Variants in RAB11FIP3 observed in about 807,000 individuals in gnomAD.
RAB11FIP3 encodes the protein RAB11 family interacting protein 3.
In RAB11FIP3, 17 loss-of-function variants were observed where a neutral mutation model predicts 77.8. The ratio of observed to expected loss-of-function variants is 0.22; its 90% CI spans 0.15 to 0.33. RAB11FIP3 has a LOEUF of 0.33. Ranked by LOEUF, RAB11FIP3 falls within the 10% of genes least tolerant of loss-of-function variation. The probability of loss-of-function intolerance (pLI) is 1.00; values close to 1 mark genes in which losing one functional copy is unlikely to be tolerated. For missense variants in RAB11FIP3, 1,005 were observed against 1,011.2 expected, an observed-to-expected ratio of 0.99 and a Z score of 0.08; for synonymous variants, 437 against 448.2, an observed-to-expected ratio of 0.98 and a Z score of 0.31.
chr16:428,947 G>A (rs74815664), intron 1 of RAB11FIP3, among the ~76,000 whole-genome samples: 1 of 152,182 alleles, frequency 6.6e-6, no homozygotes, highest in East Asian at 1.9e-4. Context: ...GATGACTTGG[G>A]ATTTGGTGAG....
At chr16:516,928 A>G (rs1050364081) in intron 9 of RAB11FIP3, among the ~76,000 whole-genome samples, 7 of 152,330 alleles carry the variant, frequency 4.6e-5, no homozygotes, top group African/African-American at 1.7e-4. Flanking sequence ...ATGTCCGCAG[A>G]CACTCCCTCC....
Position 445,832 on chromosome 16 carries a change from A to G in RAB11FIP3, c.715-15572A>G, listed in dbSNP as rs1049952320. Among the ~76,000 whole-genome samples the G allele has an allele frequency of 5.9e-5, 9 of 152,148 alleles. 1 individual carries two copies. In the South Asian group the frequency reaches 1.9e-3, roughly 32 times the overall value. On this transcript the variant is annotated intron_variant, in intron 1 of 13. Transcript: ENST00000262305. ...GGTGCAGGGACCCAGCAAGAATGGG[A>G]CAGACCTGGCTGCTCCCTGGGGGAG...
intron 9 of RAB11FIP3, among the ~76,000 whole-genome samples, chr16:511,318 G>A (rs2032150113): frequency 8.2e-6 from 1 of 121,218 alleles, no homozygotes; most frequent in Non-Finnish European, 1.7e-5. Context: ...GCCCACCCCA[G>A]AAACTGCAGG....
At chr16:453,555 A>G (rs1360816690) in intron 1 of RAB11FIP3, 1 of 151,100 alleles carries the variant, frequency 6.6e-6, no homozygotes, top group Non-Finnish European at 1.5e-5. Flanking sequence ...CATCATGGGT[A>G]ATCAGAACAG....
At chr16:440,098 C>T (rs542369605) in intron 1 of RAB11FIP3, among the ~76,000 whole-genome samples, 1 of 152,130 alleles carries the variant, frequency 6.6e-6, no homozygotes, top group Non-Finnish European at 1.5e-5. Flanking sequence ...CCCCATCGGC[C>T]TCCCAAAGTG....
intron 1 of RAB11FIP3, among the ~76,000 whole-genome samples, chr16:428,083 A>G (rs760242288): frequency 4.1e-5 from 6 of 147,482 alleles, no homozygotes; most frequent in Non-Finnish European, 8.9e-5. Context: ...CCTGGGCGAC[A>G]GAGCGAGACT....
At chr16:511,350 C>A (rs1355855233) in intron 9 of RAB11FIP3, among the ~76,000 whole-genome samples, 1 of 115,650 alleles carries the variant, frequency 8.6e-6, no homozygotes, top group Non-Finnish European at 1.8e-5. Context: ...AGGTTCCTGA[C>A]GGCCCGCCCA....
chr16:440,807 C>T (rs1007233154), intron 1 of RAB11FIP3, among the ~76,000 whole-genome samples: 1 of 152,238 alleles, frequency 6.6e-6, no homozygotes, highest in Non-Finnish European at 1.5e-5. Context: ...GGTTCAGCTG[C>T]AGCTGTGCCT....
intron 3 of RAB11FIP3, among the ~76,000 whole-genome samples, chr16:473,772 G>T (rs2055851430): frequency 6.6e-6 from 1 of 152,152 alleles, no homozygotes; most frequent in African/African-American, 2.4e-5. Context: ...GTCCGTAGTT[G>T]AGGGTTCACT....
chr16:441,588 A>G (rs1457535798), intron 1 of RAB11FIP3, among the ~76,000 whole-genome samples: 5 of 152,122 alleles, frequency 3.3e-5, no homozygotes, highest in African/African-American at 1.2e-4. Context: ...CTCTAAATTG[A>G]TCTCACGCAC....
chr16:444,207 C>T (rs541112295), intron 1 of RAB11FIP3, among the ~76,000 whole-genome samples: 32 of 152,148 alleles, frequency 2.1e-4, no homozygotes, highest in East Asian at 1.5e-3. Flanking sequence ...TCCTTTCTTA[C>T]GAGTTTCAGA....
intron 9 of RAB11FIP3, among the ~76,000 whole-genome samples, chr16:518,474 C>T (rs916424241): frequency 3.3e-5 from 5 of 152,158 alleles, no homozygotes; most frequent in African/African-American, 7.2e-5. Flanking sequence ...CGCCTGTAAT[C>T]ACAGCACTTT....
At chr16:467,071 C>T (rs1168730526) in intron 2 of RAB11FIP3, among the ~76,000 whole-genome samples, 10 of 152,148 alleles carry the variant, frequency 6.6e-5, no homozygotes, top group Admixed American at 3.9e-4. Context: ...TAGCACGAAA[C>T]GGCAGTGCAG....
intron 1 of RAB11FIP3, among the ~76,000 whole-genome samples, chr16:431,179 G>A (rs1241308951): frequency 6.6e-6 from 1 of 152,100 alleles, no homozygotes; most frequent in Non-Finnish European, 1.5e-5. Context: ...AGGGATGTGT[G>A]TATGTGGGAG....
At chr16:448,572 TA>T (rs1247386339) in intron 1 of RAB11FIP3, among the ~76,000 whole-genome samples, 1 of 150,954 alleles carries the variant, frequency 6.6e-6, no homozygotes, top group East Asian at 2.0e-4. Context: ...CCTTCTCTAA[TA>T]AAAATACAAA....
In RAB11FIP3 at chr16:510,731, G is replaced by A. The variant is rs377399918; in HGVS notation, c.1571G>A (p.Arg524Gln). The change falls in exon 9 of 14, where the codon CGG becomes CAG. Residue 524 changes from arginine (R) to glutamine (Q), a missense_variant. Around this residue, in one of 4 missense-constraint regions of RAB11FIP3, gnomAD observed 433 missense variants for 436.1 expected, o/e 0.99. Transcript: ENST00000262305. ...TGCGAGATGGTCCTGGAAGAGACCC[G>A]GCGTCAGAAGGAGCTCCTGTGCAAG... ...RACEMVLEET[R>Q]RQKELLCKME... 42 of 1,613,128 alleles carry A rather than the reference G, an allele frequency of 2.6e-5. No homozygotes were observed. Among genetic ancestry groups the A allele is most frequent in the South Asian group, 8.8e-5 (8 of 91,052 alleles).
intron 2 of RAB11FIP3, among the ~76,000 whole-genome samples, chr16:470,340 C>T (rs1200644784): frequency 6.6e-6 from 1 of 151,860 alleles, no homozygotes; most frequent in Admixed American, 6.6e-5. Context: ...ACCATGTTGC[C>T]CAGGCTGGTC....
rs144278564 is a variant in RAB11FIP3, at chr16:498,308, G to A, written c.1301+1449G>A. On this transcript the variant is annotated intron_variant, in intron 6 of 13. Transcript: ENST00000262305. ...CCCACCTCCTCCTCCTGAGGACCTG[G>A]GACTACAGGTGCGCATTGCCAATGC... Among the ~76,000 whole-genome samples, 248 of 152,106 alleles carry A rather than the reference G, an allele frequency of 1.6e-3. 1 individual carries two copies. Among genetic ancestry groups the A allele is most frequent in the African/African-American group, 5.9e-3 (243 of 41,470 alleles).
intron 3 of RAB11FIP3, 163 bp from the exon 4 acceptor site, chr16:482,362 G>C (rs1413866384): frequency 1.3e-6 from 1 of 748,790 alleles, no homozygotes; most frequent in African/African-American, 1.7e-5. Context: ...AGCCTGAATT[G>C]TGTTTTATAA....
Sources: gnomAD v4.1 joint callset for allele counts (sites outside exome capture counted in the v4.1 genomes callset) on GRCh38, gnomAD v4.1.1 for gene constraint, gnomAD v4.1.1 regional missense constraint, MANE v1.5 for transcripts, NCBI Gene and HGNC (gene_info 2026-07-23, HGNC 2026-07-21) for gene names.